Variants in GAPVD1 observed in about 807,000 individuals in gnomAD.
GAPVD1 encodes the protein GTPase activating protein and VPS9 domains 1, also known as GTPase-activating protein and VPS9 domain-containing protein 1.
Under a neutral mutation model 155.5 loss-of-function variants are expected in GAPVD1, and 35 were observed. The observed-to-expected ratio is 0.23, with a 90% CI of 0.17 to 0.30. GAPVD1 has a LOEUF of 0.30. GAPVD1 is among the 10% of genes least tolerant of loss of function. GAPVD1 has a pLI of 1.00. For synonymous variants in GAPVD1, 636 were observed against 619.7 expected (o/e 1.03, Z -0.39); for missense variants, 1,429 against 1,775.7 (o/e 0.80, Z 3.51).
At chr9:125,353,289 C>T (rs1352806424) in intron 23 of GAPVD1, among the ~76,000 whole-genome samples, 1 of 152,170 alleles carries the variant, frequency 6.6e-6, no homozygotes, top group Admixed American at 6.5e-5. Flanking sequence ...CAAGAGTCAC[C>T]TTTGCACCAG....
intron 4 of GAPVD1, among the ~76,000 whole-genome samples, chr9:125,300,576 A>G (rs1406529163): frequency 6.6e-6 from 1 of 152,124 alleles, no homozygotes; most frequent in African/African-American, 2.4e-5. Context: ...ATGAAGTTCA[A>G]AAAGAGACAG....
chr9:125,283,032 A>ATT (rs1467634970), intron 2 of GAPVD1, among the ~76,000 whole-genome samples: 1 of 133,864 alleles, frequency 7.5e-6, no homozygotes. Context: ...TTTTATTTTT[A>ATT]TTTATTTATT....
At chr9:125,332,478 TC>T in intron 14 of GAPVD1, 31 bp from the exon 15 acceptor site, 1 of 1,522,884 alleles carries the variant, frequency 6.6e-7, no homozygotes, top group Non-Finnish European at 8.9e-7. Flanking sequence ...TTGTTCTTCT[TC>T]CTGTTTATTT....
rs1159384258 is a variant in GAPVD1, at chr9:125,312,503, A to G, written c.1493A>G (p.His498Arg). 3 of 1,609,292 alleles carry G rather than the reference A, an allele frequency of 1.9e-6. No homozygotes were observed. Among genetic ancestry groups the G allele is most frequent in the South Asian group, 1.1e-5 (1 of 90,022 alleles). The part of the protein sequence containing the change: ...TNMLMDLHMD[H>R]EGSSQETIQE... ...ATGCTAATGGACCTACATATGGACC[A>G]TGAAGGATCATCTCAAGAAACCATT... The change falls in exon 9 of 28, where the codon CAT becomes CGT. Residue 498 changes from histidine to arginine, a missense_variant. Physicochemically the swap from His to Arg is conservative, Grantham distance 29 (BLOSUM62 0). Transcript: ENST00000297933.
chr9:125,310,536 GATT>G (rs1842507683), intron 8 of GAPVD1, among the ~76,000 whole-genome samples: 1 of 121,534 alleles, frequency 8.2e-6, no homozygotes, highest in African/African-American at 3.6e-5. Context: ...TTTTTTTCTT[GATT>G]TTTTTTTTTT....
rs748646951 is a variant in GAPVD1 at position 125,302,299 on chromosome 9, A to G, written c.502A>G (p.Arg168Gly). 3 of 1,614,088 alleles carry G rather than the reference A, an allele frequency of 1.9e-6. No individual in the cohort carries two copies. In the Admixed American group the frequency reaches 5.0e-5, roughly 27 times the overall value. ...EFELKESDNPRRLLRRGTCAF... is the reference protein window; with the variant it reads ...EFELKESDNPGRLLRRGTCAF... ...TGAACTTAAAGAAAGTGACAACCCTAGGCGACTTTTGAGGAGAGGAACTTG... is the reference window on the plus strand; with the variant it reads ...TGAACTTAAAGAAAGTGACAACCCTGGGCGACTTTTGAGGAGAGGAACTTG... The change falls in exon 5 of 28, where the codon AGG (arginine) becomes GGG (glycine). Residue 168 changes from arginine (R) to glycine (G), a missense_variant. Around this residue, in one of 4 missense-constraint regions of GAPVD1, gnomAD observed 628 missense variants for 733.4 expected, o/e 0.86. Coordinates refer to ENST00000297933, the MANE Select transcript of GAPVD1 (RefSeq NM_001282680.3).
chr9:125,300,237 A>G (rs998093704), intron 4 of GAPVD1, among the ~76,000 whole-genome samples: 14 of 143,518 alleles, frequency 9.8e-5, no homozygotes, highest in African/African-American at 3.3e-4. Context: ...GCTGGAGTGC[A>G]GTGGCACAAT....
In GAPVD1 at chr9:125,324,293, A is replaced by G. The variant is rs74309953; in HGVS notation, c.1858+370A>G. 4.6e-5 allele frequency among the ~76,000 whole-genome samples: 7 copies of G among 152,228 alleles called. No homozygotes were observed. In the East Asian group the frequency reaches 1.3e-3, roughly 29 times the overall value. ...TCTGAGTGAGAGATACATATGGTTG[A>G]AAGTATAGGGAAAGCTGCTGGGCCC... On this transcript the variant is annotated intron_variant, in intron 11 of 27. Coordinates refer to ENST00000297933, the MANE Select transcript of GAPVD1 (RefSeq NM_001282680.3).
At position 125,307,813 on chromosome 9, in the gene GAPVD1, T is replaced by A; in HGVS notation, c.1374T>A (p.Thr458=). 1 of 1,613,424 alleles carries A rather than the reference T, an allele frequency of 6.2e-7. No homozygotes were observed. The highest frequency in any genetic ancestry group is 8.5e-7 in the Non-Finnish European group (1 of 1,179,396). ...GAAAAAGTAGCAGTTTAGAAATGAC[T>A]CCCTACAATACACCTCAGCTATCTC... ...KPGKSSSLEM[T]PYNTPQLSPA... is the part of the protein sequence containing the mutation. Residue 458 remains threonine, a synonymous_variant, in exon 8 of 28, where the codon ACT becomes ACA. Coordinates refer to ENST00000297933, the MANE Select transcript of GAPVD1 (RefSeq NM_001282680.3).
intron 2 of GAPVD1, among the ~76,000 whole-genome samples, chr9:125,275,493 A>G (rs1835627951): frequency 6.6e-6 from 1 of 152,210 alleles, no homozygotes; most frequent in South Asian, 2.1e-4. Flanking sequence ...TCAGGCCTAT[A>G]GTCCCAGCAC....
intron 15 of GAPVD1, among the ~76,000 whole-genome samples, chr9:125,333,956 C>T (rs751707181): frequency 6.6e-6 from 1 of 152,018 alleles, no homozygotes; most frequent in South Asian, 2.1e-4. Flanking sequence ...GCCCTTTACC[C>T]CCTGGGGTTG....
At chr9:125,347,679 T>C (rs556856200) in intron 20 of GAPVD1, among the ~76,000 whole-genome samples, 1 of 151,676 alleles carries the variant, frequency 6.6e-6, no homozygotes, top group Non-Finnish European at 1.5e-5. Flanking sequence ...GAGATGACGC[T>C]TACTGCACTC....
chr9:125,326,604 A>T lies in GAPVD1; in HGVS notation c.2032+15A>T, dbSNP rs756615366. ...AGAAATTGCAGGTAACTGCCATTTAATGTCTCTGAAATATCACGGTTTAGT... is the reference window on the plus strand; with the variant it reads ...AGAAATTGCAGGTAACTGCCATTTATTGTCTCTGAAATATCACGGTTTAGT... On this transcript the variant is annotated intron_variant, in intron 12 of 27. Transcript: ENST00000297933. The T allele has an allele frequency of 1.9e-6, 3 of 1,574,602 alleles. No individual in the cohort carries two copies. Among genetic ancestry groups the T allele is most frequent in the Non-Finnish European group, 2.6e-6 (3 of 1,144,666 alleles).
At position 125,323,462 on chromosome 9, in the gene GAPVD1, C is replaced by T. The variant is rs979133964; in HGVS notation, c.1733-336C>T. 4.6e-5 allele frequency among the ~76,000 whole-genome samples: 7 copies of T among 152,064 alleles called. No individual in the cohort carries two copies. The South Asian group carries it at 1.0e-3, about 23-fold the overall frequency. ...CTGGTACTACAGGTGCCCGCCACCA[C>T]GCCTGGCTAAATTTTTATATTTTTA... On this transcript the variant is annotated intron_variant, in intron 10 of 27. Transcript: ENST00000297933.
chr9:125,277,641 A>G (rs570816339), intron 2 of GAPVD1, among the ~76,000 whole-genome samples: 1 of 151,916 alleles, frequency 6.6e-6, no homozygotes, highest in African/African-American at 2.4e-5. Context: ...TGTTGAATGA[A>G]TGAGTGAAGG....
At position 125,307,459 on chromosome 9, in the gene GAPVD1, T is replaced by G. The variant is rs1277601745; in HGVS notation, c.1163T>G (p.Val388Gly). 6.2e-7 allele frequency: 1 copy of G among 1,611,166 alleles called. No individual in the cohort carries two copies. Among genetic ancestry groups the G allele is most frequent in the Non-Finnish European group, 8.5e-7 (1 of 1,177,344 alleles). ...GATGTTGTGATTGGGGGCCGTGCAGTGGAGACCCCTCCATTGTCTTCCGTC... is the reference window on the plus strand; with the variant it reads ...GATGTTGTGATTGGGGGCCGTGCAGGGGAGACCCCTCCATTGTCTTCCGTC... ...FLDVVIGGRA[V>G]ETPPLSSVNL... The change falls in exon 7 of 28, where the codon GTG (valine) becomes GGG (glycine). Residue 388 changes from valine to glycine, a missense_variant. Coordinates refer to ENST00000297933, the MANE Select transcript of GAPVD1 (RefSeq NM_001282680.3).
At chr9:125,290,213 G>T (rs1838354398) in intron 2 of GAPVD1, among the ~76,000 whole-genome samples, 1 of 152,140 alleles carries the variant, frequency 6.6e-6, no homozygotes, top group East Asian at 1.9e-4. Flanking sequence ...AAATGGTATG[G>T]AAGCTGAGAG....
chr9:125,347,035 T>A, intron 20 of GAPVD1, 94 bp downstream of exon 20: 1 of 1,252,474 alleles, frequency 8.0e-7, no homozygotes, highest in Non-Finnish European at 1.1e-6. Context: ...AAAGAATAGC[T>A]AAGGGAGTCA....
At chr9:125,331,228 TCTCA>T (rs1175601415) in intron 13 of GAPVD1, among the ~76,000 whole-genome samples, 2 of 150,750 alleles carry the variant, frequency 1.3e-5, no homozygotes, top group Non-Finnish European at 2.9e-5. Context: ...TGAGATGGAG[TCTCA>T]CTCTGTCACC....
Sources: allele counts gnomAD v4.1 joint callset (sites outside exome capture counted in the v4.1 genomes callset), GRCh38; gene constraint gnomAD v4.1.1; regional missense constraint gnomAD v4.1.1; transcripts MANE v1.5; gene names NCBI Gene and HGNC (gene_info 2026-07-23, HGNC 2026-07-21).